The following KCNU1 variants were observed in gnomAD, a reference collection of about 807,000 sequenced individuals.
KCNU1 encodes the protein potassium calcium-activated channel subfamily U member 1, also known as potassium channel subfamily U member 1.
KCNU1 carries 93 observed loss-of-function variants against 126.8 expected under a neutral mutation model. The observed-to-expected ratio is 0.73, with a 90% CI of 0.62 to 0.87. The LOEUF (loss-of-function observed/expected upper bound fraction) is 0.87. Ranked by LOEUF, KCNU1 falls within the 40% of genes least tolerant of loss-of-function variation. The pLI is 0.00. For missense variants in KCNU1, 1,330 were observed against 1,367.1 expected, an observed-to-expected ratio of 0.97 and a Z score of 0.43; for synonymous variants, 523 against 494.2, an observed-to-expected ratio of 1.06 and a Z score of -0.77.
chr8:36,849,125 T>C (rs575825080), intron 18 of KCNU1, among the ~76,000 whole-genome samples: 1 of 152,222 alleles, frequency 6.6e-6, no homozygotes, highest in Non-Finnish European at 1.5e-5. Context: ...TTCCTTCTCC[T>C]CAACCCACAG....
chr8:36,792,138 C>A (rs1802925899), intron 2 of KCNU1, among the ~76,000 whole-genome samples: 1 of 152,008 alleles, frequency 6.6e-6, no homozygotes, highest in Non-Finnish European at 1.5e-5. Flanking sequence ...TTTAAAAGTA[C>A]AAAGTAAAAA....
intron 18 of KCNU1, 134 bp from the exon 19 acceptor site, chr8:36,864,270 A>G: frequency 3.1e-6 from 2 of 644,818 alleles, no homozygotes; most frequent in Non-Finnish European, 5.6e-6. Context: ...TCATCCTCTT[A>G]GAACTAGGCT....
At chr8:36,905,520 A>C (rs1807588729) in intron 19 of KCNU1, among the ~76,000 whole-genome samples, 188 bp from the exon 20 acceptor site, 1 of 150,540 alleles carries the variant, frequency 6.6e-6, no homozygotes. Context: ...GTCTTCAACT[A>C]TGATACAGTC....
chr8:36,819,262 C>T (rs1172971480), intron 10 of KCNU1, among the ~76,000 whole-genome samples: 1 of 151,954 alleles, frequency 6.6e-6, no homozygotes, highest in Non-Finnish European at 1.5e-5. Flanking sequence ...TTATGAAGGC[C>T]CCTCAAGCTC....
At chr8:36,817,328 C>T (rs1440281735) in intron 9 of KCNU1, among the ~76,000 whole-genome samples, 3 of 151,360 alleles carry the variant, frequency 2.0e-5, no homozygotes, top group African/African-American at 7.3e-5. Flanking sequence ...GGAGAAATCC[C>T]ATCTACTAAA....
intron 19 of KCNU1, among the ~76,000 whole-genome samples, chr8:36,881,927 T>C (rs867555074): frequency 6.6e-6 from 1 of 152,030 alleles, no homozygotes; most frequent in Non-Finnish European, 1.5e-5. Flanking sequence ...TTCTCTCCTA[T>C]AAAGCTCTGC....
intron 15 of KCNU1, 69 bp downstream of exon 15, chr8:36,840,644 C>T: frequency 1.1e-6 from 1 of 891,796 alleles, no homozygotes; most frequent in South Asian, 1.4e-5. Context: ...TCACTGAGGG[C>T]CCACTATAGG....
chr8:36,922,912 G>A (rs1808411129), intron 24 of KCNU1: 3 of 547,478 alleles, frequency 5.5e-6, no homozygotes, highest in Non-Finnish European at 1.0e-5. Flanking sequence ...AGGCATCGCT[G>A]CAGACCAGGT....
At position 36,873,561 on chromosome 8, in the gene KCNU1, A is replaced by G. The variant is rs186561529; in HGVS notation, c.2009+9040A>G. ...TAACAATCCCCATTTAATTGGGAAA[A>G]TCTTTCTTGCTAAGAGAGGGTTAAG... On this transcript the variant is annotated intron_variant, in intron 19 of 26. Transcript: ENST00000399881. Among the ~76,000 whole-genome samples, 658 of 152,272 alleles carry G rather than the reference A, an allele frequency of 4.3e-3. 6 individuals are homozygous for G. Among genetic ancestry groups the G allele is most frequent in the African/African-American group, 0.015 (621 of 41,546 alleles).
At position 36,879,354 on chromosome 8, in the gene KCNU1, C is replaced by G. The variant is rs193119225; in HGVS notation, c.2009+14833C>G. Among the ~76,000 whole-genome samples the G allele has an allele frequency of 9.9e-4, 150 of 151,480 alleles. 2 individuals carry two copies. The highest frequency in any genetic ancestry group is 3.5e-3 in the African/African-American group (144 of 41,290). On this transcript the variant is annotated intron_variant, in intron 19 of 26. Transcript: ENST00000399881. ...ACATGTTTGCCATACCTACTAGGTA[C>G]TCAGTGGTATAGCACACACTTGTGG...
At chr8:36,912,882 C>A (rs972918360) in intron 22 of KCNU1, among the ~76,000 whole-genome samples, 25 of 145,208 alleles carry the variant, frequency 1.7e-4, no homozygotes, top group Non-Finnish European at 3.2e-4. Flanking sequence ...GCATGAAAAT[C>A]CCTTGAACTC....
intron 4 of KCNU1, 62 bp downstream of exon 4, chr8:36,805,347 C>G (rs1803459035): frequency 2.1e-6 from 2 of 970,106 alleles, no homozygotes; most frequent in Non-Finnish European, 3.2e-6. Context: ...ATACAGAGAA[C>G]TAACTGTGTC....
At chr8:36,825,333 A>G (rs1020874647) in intron 10 of KCNU1, among the ~76,000 whole-genome samples, 5 of 152,054 alleles carry the variant, frequency 3.3e-5, no homozygotes, top group Admixed American at 3.3e-4. Flanking sequence ...GAATCGTTAG[A>G]CCTTTTTTAT....
rs1237814640 is a variant in KCNU1 at position 36,810,659 on chromosome 8, AATG to A, written c.732+1872_732+1874del. Reference sequence around the variant, plus strand: ...CCATTCTCACACTATCCTTCAGCTAAATGATGATATCATTCAAAGACGAGTATT... The same window carrying A: ...CCATTCTCACACTATCCTTCAGCTAAATGATATCATTCAAAGACGAGTATT... On this transcript the variant is annotated intron_variant, in intron 7 of 26. Coordinates refer to ENST00000399881, the MANE Select transcript of KCNU1 (RefSeq NM_001031836.3). Among the ~76,000 whole-genome samples, 7 of 152,348 alleles carry A rather than the reference AATG, an allele frequency of 4.6e-5. No homozygotes were observed. The East Asian group carries it at 1.3e-3, about 29-fold the overall frequency.
chr8:36,933,187 T>C (rs1448669360), intron 26 of KCNU1, 155 bp downstream of exon 26: 2 of 156,274 alleles, frequency 1.3e-5, no homozygotes. Context: ...TAAGGAGGGA[T>C]TGGTATAAAC....
chr8:36,904,626 C>A (rs1379807799), intron 19 of KCNU1, among the ~76,000 whole-genome samples: 2 of 152,066 alleles, frequency 1.3e-5, no homozygotes, highest in South Asian at 2.1e-4. Flanking sequence ...TCAGTAGGAG[C>A]CATGTGACTA....
At chr8:36,843,816 T>G (rs573340952) in intron 16 of KCNU1, among the ~76,000 whole-genome samples, 8 of 152,316 alleles carry the variant, frequency 5.3e-5, no homozygotes, top group African/African-American at 1.4e-4. Flanking sequence ...GAATTTTTCT[T>G]ACGGAATTAT....
chr8:36,866,836 T>C (rs1217525006), intron 19 of KCNU1, among the ~76,000 whole-genome samples: 1 of 152,114 alleles, frequency 6.6e-6, no homozygotes, highest in African/African-American at 2.4e-5. Flanking sequence ...AATAACAATA[T>C]ATAGCATATT....
In KCNU1 at chr8:36,930,953, C is replaced by G. The variant is rs781581102; in HGVS notation, c.2739C>G (p.Ala913=). ...GSFLDSLLAT[A]FYNYHVLELL... ...TGTGGCTTGTCCTTGTTTTCCAGGC[C>G]TTCTACAATTATCATGTCCTGGAAT... Residue 913 remains alanine (A), a splice_region_variant and synonymous_variant, in exon 25 of 27, where the codon GCC becomes GCG. Coordinates refer to ENST00000399881, the MANE Select transcript of KCNU1 (RefSeq NM_001031836.3). The G allele has an allele frequency of 3.0e-5, 48 of 1,601,026 alleles. No homozygotes were observed. The highest frequency in any genetic ancestry group is 3.6e-5 in the Non-Finnish European group (42 of 1,173,404).
Sources: allele counts gnomAD v4.1 joint callset (sites outside exome capture counted in the v4.1 genomes callset), GRCh38; gene constraint gnomAD v4.1.1; transcripts MANE v1.5; gene names NCBI Gene and HGNC (gene_info 2026-07-23, HGNC 2026-07-21).